The following CLYBL variants were observed in gnomAD, a reference collection of about 807,000 sequenced individuals.
CLYBL encodes citramalyl-CoA lyase, mitochondrial.
Under a neutral mutation model 38.9 loss-of-function variants are expected in CLYBL, and 31 were observed. That is an observed-to-expected ratio of 0.80 (90% CI 0.60 to 1.08). The LOEUF is 1.08. CLYBL is among the 50% of genes least tolerant of loss of function. CLYBL has a pLI of 0.00. For synonymous variants in CLYBL, 171 were observed against 158.6 expected, an observed-to-expected ratio of 1.08 and a Z score of -0.59; for missense variants, 434 against 411.6, an observed-to-expected ratio of 1.05 and a Z score of -0.47.
chr13:99,729,874 C>A (rs1264927422), intron 1 of CLYBL, among the ~76,000 whole-genome samples: 3 of 150,850 alleles, frequency 2.0e-5, no homozygotes, highest in Non-Finnish European at 4.4e-5. Context: ...GCCTCGGCAC[C>A]GCTTCAGTGT....
At chr13:99,819,044 T>C (rs1266225450) in intron 2 of CLYBL, among the ~76,000 whole-genome samples, 2 of 152,094 alleles carry the variant, frequency 1.3e-5, no homozygotes, top group East Asian at 3.9e-4. Context: ...AGGTATAATT[T>C]AAATTACACA....
At chr13:99,607,586 G>A (rs1475469931) in intron 1 of CLYBL, among the ~76,000 whole-genome samples, 1 of 152,108 alleles carries the variant, frequency 6.6e-6, no homozygotes, top group African/African-American at 2.4e-5. Flanking sequence ...GTCTCATTTG[G>A]TTCCCTTGAC....
At chr13:99,633,234 AAGAG>A (rs1465743968) in intron 1 of CLYBL, among the ~76,000 whole-genome samples, 17 of 143,968 alleles carry the variant, frequency 1.2e-4, no homozygotes, top group African/African-American at 3.9e-4. Flanking sequence ...AAAAAAAAAA[AAGAG>A]AAGAGAAGAA....
intron 1 of CLYBL, among the ~76,000 whole-genome samples, chr13:99,638,377 A>G (rs2047051477): frequency 6.6e-6 from 1 of 152,236 alleles, no homozygotes; most frequent in Non-Finnish European, 1.5e-5. Context: ...ACTCCAAATT[A>G]TTGAAAGTTA....
At chr13:99,699,837 CA>C (rs1299143767) in intron 1 of CLYBL, among the ~76,000 whole-genome samples, 5 of 150,154 alleles carry the variant, frequency 3.3e-5, no homozygotes, top group Admixed American at 1.3e-4. Flanking sequence ...ACTAAAAATA[CA>C]AAAAAATTAG....
Position 99,617,941 on chromosome 13 carries a change from AC to A in CLYBL, c.62+11188del, listed in dbSNP as rs555832495. On this transcript the variant is annotated intron_variant, in intron 1 of 8. Coordinates refer to ENST00000339105, the MANE Select transcript of CLYBL (RefSeq NM_206808.5). ...GACCACCCTGTACAACATAGCCTCC[AC>A]CCCGCTAAGCAGCCTCTGCACTACC... Among the ~76,000 whole-genome samples the A allele has an allele frequency of 2.2e-4, 34 of 152,116 alleles. No individual in the cohort carries two copies. The East Asian group carries it at 6.0e-3, about 27-fold the overall frequency.
intron 1 of CLYBL, among the ~76,000 whole-genome samples, chr13:99,683,909 C>T (rs913779574): frequency 1.3e-5 from 2 of 149,966 alleles, no homozygotes; most frequent in African/African-American, 4.9e-5. Context: ...CACTCTGTCA[C>T]CCAGGCTGGA....
At chr13:99,607,074 G>A (rs1436348080) in intron 1 of CLYBL, among the ~76,000 whole-genome samples, 1 of 152,208 alleles carries the variant, frequency 6.6e-6, no homozygotes, top group Non-Finnish European at 1.5e-5. Context: ...TTTGAGAGGC[G>A]GCTTGCCTGG....
chr13:99,868,111 G>C (rs1566360573), intron 6 of CLYBL, among the ~76,000 whole-genome samples: 1 of 152,114 alleles, frequency 6.6e-6, no homozygotes, highest in African/African-American at 2.4e-5. Flanking sequence ...GGGAAGCGAG[G>C]ATAATGGGAA....
At chr13:99,838,376 G>C (rs1360208865) in intron 2 of CLYBL, among the ~76,000 whole-genome samples, 1 of 152,144 alleles carries the variant, frequency 6.6e-6, no homozygotes, top group Non-Finnish European at 1.5e-5. Context: ...TCAGAGGAGG[G>C]TTATACAGAG....
At position 99,715,218 on chromosome 13, in the gene CLYBL, T is replaced by G. The variant is rs8000609; in HGVS notation, c.63-57606T>G. On this transcript the variant is annotated intron_variant, in intron 1 of 8. Coordinates refer to ENST00000339105, the MANE Select transcript of CLYBL (RefSeq NM_206808.5). ...CTAGGAGGCAACTGGGGAATTCTCA[T>G]TATTCCATACCTGGACTTTCACTCA... Among the ~76,000 whole-genome samples the G allele has an allele frequency of 3.4e-3, 523 of 152,232 alleles. 2 individuals are homozygous for G. Among genetic ancestry groups the G allele is most frequent in the African/African-American group, 0.012 (501 of 41,544 alleles).
chr13:99,831,772 C>T (rs1444985032), intron 2 of CLYBL, among the ~76,000 whole-genome samples: 3 of 151,256 alleles, frequency 2.0e-5, no homozygotes, highest in Non-Finnish European at 4.4e-5. Context: ...AAAAAGGGGC[C>T]CCATTTTGAT....
intron 7 of CLYBL, chr13:99,877,626 G>C: frequency 3.0e-6 from 1 of 334,122 alleles, no homozygotes; most frequent in Non-Finnish European, 5.6e-6. Flanking sequence ...AGCCAGGCTG[G>C]AGTGCAATGG....
At chr13:99,866,649 T>TC (rs397948730) in intron 6 of CLYBL, among the ~76,000 whole-genome samples, 5 of 149,062 alleles carry the variant, frequency 3.4e-5, no homozygotes, top group South Asian at 2.2e-4. Context: ...TTTTTTTTTT[T>TC]CTCTCCATCC....
intron 1 of CLYBL, among the ~76,000 whole-genome samples, chr13:99,696,361 C>T (rs1443373176): frequency 6.6e-6 from 1 of 151,902 alleles, no homozygotes; most frequent in Admixed American, 6.6e-5. Context: ...TCCTGAATAG[C>T]TGGGACCATA....
chr13:99,620,308 T>G (rs1199026023), intron 1 of CLYBL, among the ~76,000 whole-genome samples: 3 of 152,218 alleles, frequency 2.0e-5, no homozygotes, highest in African/African-American at 7.2e-5. Context: ...TTGGGTTCCC[T>G]GCTCACTTGG....
intron 1 of CLYBL, among the ~76,000 whole-genome samples, chr13:99,692,325 T>G (rs2047918742): frequency 6.6e-6 from 1 of 151,646 alleles, no homozygotes; most frequent in Non-Finnish European, 1.5e-5. Context: ...ACAGTCTTGC[T>G]CAGTCACCCA....
At chr13:99,839,779 G>A (rs566396910) in intron 2 of CLYBL, among the ~76,000 whole-genome samples, 3 of 152,108 alleles carry the variant, frequency 2.0e-5, no homozygotes, top group South Asian at 4.2e-4. Context: ...ATCACATCAC[G>A]GAAAATGGGG....
intron 1 of CLYBL, among the ~76,000 whole-genome samples, chr13:99,649,254 G>A (rs980481011): frequency 2.0e-5 from 3 of 152,120 alleles, no homozygotes; most frequent in Non-Finnish European, 4.4e-5. Flanking sequence ...CTTGCATTCT[G>A]TGTTGTACTA....
Sources: allele counts gnomAD v4.1 joint callset (sites outside exome capture counted in the v4.1 genomes callset), GRCh38; gene constraint gnomAD v4.1.1; transcripts MANE v1.5; gene names NCBI Gene and HGNC (gene_info 2026-07-23, HGNC 2026-07-21).